The following MIB1 variants were observed in gnomAD, a reference collection of about 807,000 sequenced individuals.
MIB1 encodes the protein MIB E3 ubiquitin protein ligase 1.
A neutral mutation model predicts 124.5 loss-of-function variants in MIB1; 278 were observed. The observed-to-expected ratio is 2.23, with a 90% CI of 2.02 to 2.47. The LOEUF is 2.47. Ranked by LOEUF, MIB1 falls within the 30% of genes most tolerant of loss-of-function variation. The probability of loss-of-function intolerance (pLI) is 0.00; values close to 1 mark genes in which losing one functional copy is unlikely to be tolerated. For missense variants in MIB1, 957 were observed against 1,254.4 expected (o/e 0.76, Z 3.58); for synonymous variants, 446 against 429.4 (o/e 1.04, Z -0.48).
In MIB1 at chr18:21,815,622, G is replaced by C; in HGVS notation, c.1486G>C (p.Asp496His). The change falls in exon 11 of 21, where the codon GAT (aspartate) becomes CAT (histidine). Residue 496 changes from aspartate to histidine, a missense_variant. By Grantham distance (81) the Asp-to-His change is moderately conservative. Coordinates refer to ENST00000261537, the MANE Select transcript of MIB1 (RefSeq NM_020774.4). ...TTTCAATACTAATGATTAGGATAAA[G>C]ATGGTGATAGAGCAGTTCACCATGC... ...QNVDVEAEDK[D>H]GDRAVHHAAF... The C allele has an allele frequency of 6.2e-7, 1 of 1,612,858 alleles. No individual in the cohort carries two copies. The highest frequency in any genetic ancestry group is 8.5e-7 in the Non-Finnish European group (1 of 1,178,900).
At chr18:21,815,011 T>TTATATATATATATATATATATATATA (rs60363843) in intron 10 of MIB1, among the ~76,000 whole-genome samples, 3 of 52,652 alleles carry the variant, frequency 5.7e-5, no homozygotes, top group Non-Finnish European at 1.1e-4. Flanking sequence ...GCTGTTGGTT[T>TTATATATATATATATATATATATATA]TATATATATA....
chr18:21,832,721 T>A (rs1460406588), intron 12 of MIB1, among the ~76,000 whole-genome samples: 1 of 152,212 alleles, frequency 6.6e-6, no homozygotes. Context: ...TTTGAATGTC[T>A]GTTTTAAAAC....
intron 17 of MIB1, among the ~76,000 whole-genome samples, chr18:21,852,221 C>T (rs1251906320): frequency 6.6e-6 from 1 of 152,336 alleles, no homozygotes; most frequent in East Asian, 1.9e-4. Flanking sequence ...CTATGTCTTA[C>T]TGCATTCTGC....
At chr18:21,787,774 C>G (rs73963252) in intron 6 of MIB1, among the ~76,000 whole-genome samples, 1 of 111,192 alleles carries the variant, frequency 9.0e-6, no homozygotes, top group African/African-American at 3.4e-5. Flanking sequence ...TTTTTTTTTT[C>G]GATTTTCTGT....
chr18:21,800,849 A>G (rs1180468918), intron 9 of MIB1, among the ~76,000 whole-genome samples: 1 of 152,090 alleles, frequency 6.6e-6, no homozygotes, highest in Non-Finnish European at 1.5e-5. Flanking sequence ...TTGATTGGTT[A>G]TGAGCTATGT....
chr18:21,712,857 G>A (rs79066516), intron 1 of MIB1, among the ~76,000 whole-genome samples: 9,464 of 152,200 alleles, frequency 0.062, 324 homozygotes, highest in Middle Eastern at 0.14. Flanking sequence ...ACCTAATAGA[G>A]AATATAAAAG....
At chr18:21,720,051 C>T (rs1034459094) in intron 1 of MIB1, among the ~76,000 whole-genome samples, 13 of 152,114 alleles carry the variant, frequency 8.5e-5, no homozygotes, top group African/African-American at 3.1e-4. Context: ...AGTATGGAAC[C>T]TGTTCATTAG....
In MIB1 at chr18:21,843,219, T is replaced by G; in HGVS notation, c.2049+2T>G. The G allele has an allele frequency of 6.4e-7, 1 of 1,572,702 alleles. No individual in the cohort carries two copies. Among genetic ancestry groups the G allele is most frequent in the Non-Finnish European group, 8.6e-7 (1 of 1,163,266 alleles). On this transcript the variant is annotated splice_donor_variant, in intron 14 of 20. Transcript: ENST00000261537. LOFTEE classifies it high-confidence loss of function. ...CGACAGCATACCCAGATTGTTAGGG[T>G]AAAGTATTGACATACATTTTAGCTT...
At position 21,815,690 on chromosome 18, in the gene MIB1, A is replaced by G. The variant is rs1174639567; in HGVS notation, c.1554A>G (p.Arg518=). The G allele has an allele frequency of 1.9e-6, 3 of 1,614,020 alleles. No individual in the cohort carries two copies. Among genetic ancestry groups the G allele is most frequent in the African/African-American group, 2.7e-5 (2 of 74,916 alleles). Residue 518 remains arginine, a synonymous_variant, in exon 11 of 21, where the codon CGA becomes CGG. Coordinates refer to ENST00000261537, the MANE Select transcript of MIB1 (RefSeq NM_020774.4). ...DEGAVIEVLH[R]GSADLNARNK... is the part of the protein sequence containing the mutation. The stretch of plus-strand genomic sequence containing the variant: ...GCGCTGTTATAGAAGTACTACATCG[A>G]GGTAGTGCTGATTTGAATGCTCGAA...
chr18:21,808,080 A>G (rs1040193625), intron 10 of MIB1, among the ~76,000 whole-genome samples: 2 of 152,228 alleles, frequency 1.3e-5, no homozygotes, highest in African/African-American at 4.8e-5. Context: ...CACCTTTATC[A>G]CACCTGAAAA....
At position 21,864,518 on chromosome 18, in the gene MIB1, C is replaced by T. The variant is rs1229715342; in HGVS notation, c.2881-8C>T. The T allele has an allele frequency of 4.4e-6, 7 of 1,604,736 alleles. No individual in the cohort carries two copies. The highest frequency in any genetic ancestry group is 6.0e-6 in the Non-Finnish European group (7 of 1,172,724). On this transcript the variant is annotated splice_polypyrimidine_tract_variant and splice_region_variant and intron_variant, in intron 20 of 20. Coordinates refer to ENST00000261537, the MANE Select transcript of MIB1 (RefSeq NM_020774.4). ...TCTAATTTATTACTTTGTTATCTCACATTACAGACAATGTGCCCTGTGTGT... is the reference window on the plus strand; with the variant it reads ...TCTAATTTATTACTTTGTTATCTCATATTACAGACAATGTGCCCTGTGTGT...
At position 21,867,461 on chromosome 18, in the gene MIB1, T is replaced by C. The variant is rs1318042214; in HGVS notation, c.*2795T>C. 3 of 152,714 alleles carry C rather than the reference T, an allele frequency of 2.0e-5. No individual in the cohort carries two copies. Among genetic ancestry groups the C allele is most frequent in the African/African-American group, 4.8e-5 (2 of 41,576 alleles). The allele number at this position is 152,714 out of a possible 1,614,324, so 9.5% of individuals were successfully genotyped here. ...CACGTAATTTAACGTTCTTACTGCT[T>C]ATACTATATACATATTTAATTTTGT... On this transcript the variant is annotated 3_prime_UTR_variant, in exon 21 of 21. Transcript: ENST00000261537.
intron 1 of MIB1, among the ~76,000 whole-genome samples, chr18:21,752,054 A>G (rs1282034077): frequency 1.3e-5 from 2 of 152,238 alleles, no homozygotes; most frequent in African/African-American, 4.8e-5. Flanking sequence ...AAGAAAACAT[A>G]TTAGTCCCAT....
rs758251427 is a variant in MIB1, at chr18:21,867,548, A to G, written c.*2882A>G. The G allele has an allele frequency of 7.9e-5, 12 of 152,746 alleles. No individual in the cohort carries two copies. The highest frequency in any genetic ancestry group is 2.6e-4 in the Admixed American group (4 of 15,304). The allele number at this position is 152,746 out of a possible 1,614,324, so 9.5% of individuals were successfully genotyped here. A position where few individuals can be genotyped will look rare whatever the true frequency, so the allele number is the denominator to read the frequency against. On this transcript the variant is annotated 3_prime_UTR_variant, in exon 21 of 21. Transcript: ENST00000261537. ...TATTAGTGTAGGAATATATTAGACAAATGTTTAGTTGGTCAAATTATGCAT... is the reference window on the plus strand; with the variant it reads ...TATTAGTGTAGGAATATATTAGACAGATGTTTAGTTGGTCAAATTATGCAT...
chr18:21,776,059 G>A (rs2041281465), intron 4 of MIB1, among the ~76,000 whole-genome samples: 1 of 152,136 alleles, frequency 6.6e-6, no homozygotes, highest in African/African-American at 2.4e-5. Flanking sequence ...TTGAGTCCAG[G>A]AGTTTGAGAC....
chr18:21,721,162 T>G (rs1254577095), intron 1 of MIB1, among the ~76,000 whole-genome samples: 1 of 79,212 alleles, frequency 1.3e-5, no homozygotes, highest in African/African-American at 8.6e-5. Flanking sequence ...TAAAGAAGTT[T>G]TTTTTTTTTT....
chr18:21,778,639 G>A (rs948913214), intron 5 of MIB1, among the ~76,000 whole-genome samples: 4 of 152,044 alleles, frequency 2.6e-5, no homozygotes, highest in Non-Finnish European at 5.9e-5. Context: ...CCTTCATTTT[G>A]TAGATTTATT....
At chr18:21,798,461 A>G (rs2041611829) in intron 8 of MIB1, among the ~76,000 whole-genome samples, 1 of 152,076 alleles carries the variant, frequency 6.6e-6, no homozygotes, top group Admixed American at 6.6e-5. Flanking sequence ...AAGTTCCATA[A>G]AATGTGTGCT....
chr18:21,715,690 A>G (rs2040686354), intron 1 of MIB1, among the ~76,000 whole-genome samples: 1 of 152,084 alleles, frequency 6.6e-6, no homozygotes, highest in South Asian at 2.1e-4. Flanking sequence ...TCAGGAAACA[A>G]TGGATGCACT....
Sources: gnomAD v4.1 joint callset for allele counts (sites outside exome capture counted in the v4.1 genomes callset) on GRCh38, gnomAD v4.1.1 for gene constraint, MANE v1.5 for transcripts, NCBI Gene and HGNC (gene_info 2026-07-23, HGNC 2026-07-21) for gene names.